HPSE2: variants seen among roughly 807,000 people sequenced by gnomAD.
HPSE2 encodes the protein heparanase 2 (inactive), also known as inactive heparanase-2.
Under a neutral mutation model 60.5 loss-of-function variants are expected in HPSE2, and 38 were observed. That is an observed-to-expected ratio of 0.63 (90% CI 0.48 to 0.82). The LOEUF is 0.82. Ranked by LOEUF, HPSE2 falls within the 40% of genes least tolerant of loss-of-function variation. The pLI, the probability that HPSE2 is intolerant of heterozygous loss-of-function variation, is 0.00. For missense variants in HPSE2, 713 were observed against 740.4 expected, an observed-to-expected ratio of 0.96 and a Z score of 0.43; for synonymous variants, 295 against 293.2, an observed-to-expected ratio of 1.01 and a Z score of -0.06.
chr10:99,011,642 G>C (rs1046264927), intron 3 of HPSE2, among the ~76,000 whole-genome samples: 1 of 150,702 alleles, frequency 6.6e-6, no homozygotes, highest in Admixed American at 6.7e-5. Flanking sequence ...GGTAGTCCCA[G>C]CTACTCGGGA....
At chr10:98,609,839 C>CT (rs34422929) in intron 9 of HPSE2, among the ~76,000 whole-genome samples, 8,765 of 126,212 alleles carry the variant, frequency 0.069, 517 homozygotes, top group Middle Eastern at 0.14. Flanking sequence ...TCTTCTTCTT[C>CT]TTTTTTTTTT....
chr10:99,288,748 C>CAAAAAAAAAA, the HPSE2 span, among the ~76,000 whole-genome samples: 4 of 75,788 alleles, frequency 5.3e-5, no homozygotes, highest in African/African-American at 1.8e-4. Flanking sequence ...CAGCCTCAAG[C>CAAAAAAAAAA]AAAAAAAAAA....
At chr10:98,696,033 A>G (rs1948203376) in intron 5 of HPSE2, among the ~76,000 whole-genome samples, 1 of 152,200 alleles carries the variant, frequency 6.6e-6, no homozygotes, top group Admixed American at 6.5e-5. Context: ...AAGATCTGAT[A>G]ATAATCTTAG....
intron 3 of HPSE2, among the ~76,000 whole-genome samples, chr10:99,095,906 T>C (rs934609706): frequency 6.6e-6 from 1 of 152,236 alleles, no homozygotes; most frequent in Non-Finnish European, 1.5e-5. Context: ...TTCTTCTGAA[T>C]TGCATTTTAA....
chr10:99,048,115 TG>T, intron 3 of HPSE2: 1 of 950,048 alleles, frequency 1.1e-6, no homozygotes, highest in Admixed American at 1.9e-5. Flanking sequence ...AGCGTGCTTA[TG>T]GCAAAATCAA....
At chr10:98,908,575 T>C (rs939523682) in intron 3 of HPSE2, among the ~76,000 whole-genome samples, 2 of 149,314 alleles carry the variant, frequency 1.3e-5, no homozygotes, top group Non-Finnish European at 3.0e-5. Context: ...CCCAGCTACT[T>C]GGGAGGCTGA....
chr10:98,949,339 G>T (rs1197535782), intron 3 of HPSE2, among the ~76,000 whole-genome samples: 1 of 151,940 alleles, frequency 6.6e-6, no homozygotes, highest in Admixed American at 6.6e-5. Flanking sequence ...CCCCACAATG[G>T]ATGTAACCCA....
intron 7 of HPSE2, among the ~76,000 whole-genome samples, chr10:98,625,801 A>C (rs2133997509): frequency 6.6e-6 from 1 of 152,260 alleles, no homozygotes; most frequent in East Asian, 1.9e-4. Flanking sequence ...ATCTATATAC[A>C]CATTTAAAAC....
At chr10:98,908,573 C>A (rs1953888603) in intron 3 of HPSE2, among the ~76,000 whole-genome samples, 1 of 150,504 alleles carries the variant, frequency 6.6e-6, no homozygotes, top group African/African-American at 2.4e-5. Flanking sequence ...ATCCCAGCTA[C>A]TTGGGAGGCT....
intron 3 of HPSE2, among the ~76,000 whole-genome samples, chr10:99,087,857 T>C (rs1486250765): frequency 2.0e-5 from 3 of 152,018 alleles, no homozygotes; most frequent in Non-Finnish European, 4.4e-5. Context: ...ATCTGAAGAG[T>C]TGAAATTATG....
the HPSE2 span, among the ~76,000 whole-genome samples, chr10:99,258,058 T>G: frequency 6.6e-6 from 1 of 151,942 alleles, no homozygotes; most frequent in Non-Finnish European, 1.5e-5. Context: ...GGAGAATCAC[T>G]TGAACCCAGA....
chr10:98,740,713 G>C (rs1949476047), intron 4 of HPSE2, among the ~76,000 whole-genome samples: 1 of 152,084 alleles, frequency 6.6e-6, no homozygotes, highest in Non-Finnish European at 1.5e-5. Flanking sequence ...TTGTTAACAT[G>C]GTGTAGGTAT....
At chr10:98,494,552 G>A (rs1253682381) in intron 9 of HPSE2, among the ~76,000 whole-genome samples, 1 of 152,184 alleles carries the variant, frequency 6.6e-6, no homozygotes, top group Admixed American at 6.5e-5. Flanking sequence ...CTTTATTATG[G>A]CTAGCAGATA....
chr10:99,173,819 A>G (rs1847413691), intron 2 of HPSE2, among the ~76,000 whole-genome samples: 1 of 151,788 alleles, frequency 6.6e-6, no homozygotes, highest in South Asian at 2.1e-4. Context: ...GGCACACACC[A>G]GTGGTCCCAG....
intron 5 of HPSE2, among the ~76,000 whole-genome samples, chr10:98,705,756 G>A (rs566537358): frequency 1.3e-5 from 2 of 152,166 alleles, no homozygotes; most frequent in African/African-American, 2.4e-5. Context: ...GTCCAGTCGC[G>A]GGGTGGGGGA....
Position 99,015,656 on chromosome 10 carries a change from C to T in HPSE2, c.610+128582G>A, listed in dbSNP as rs553411352. On this transcript the variant is annotated intron_variant, in intron 3 of 11. Transcript: ENST00000370552. ...ACACAGGAAGGGGAACATCAAACAC[C>T]GGGGCCTGTTGTGGGGTGGGGGGAG... 2.6e-3 allele frequency among the ~76,000 whole-genome samples: 370 copies of T among 144,938 alleles called. 2 individuals are homozygous for T. Among genetic ancestry groups the T allele is most frequent in the African/African-American group, 9.1e-3 (356 of 38,924 alleles).
At chr10:99,102,246 A>C (rs987787165) in intron 3 of HPSE2, among the ~76,000 whole-genome samples, 2 of 152,166 alleles carry the variant, frequency 1.3e-5, no homozygotes, top group African/African-American at 4.8e-5. Flanking sequence ...AAGACTAATA[A>C]AGAAGAAAAG....
At chr10:99,095,314 A>C (rs2135615745) in intron 3 of HPSE2, among the ~76,000 whole-genome samples, 1 of 152,318 alleles carries the variant, frequency 6.6e-6, no homozygotes, top group African/African-American at 2.4e-5. Flanking sequence ...ATCTCATTTA[A>C]TGCTTTTTAG....
intron 3 of HPSE2, among the ~76,000 whole-genome samples, chr10:98,751,557 C>T (rs1209602343): frequency 6.6e-6 from 1 of 152,102 alleles, no homozygotes; most frequent in African/African-American, 2.4e-5. Context: ...GATCCAGACC[C>T]TTAGCTCTTG....
Sources: gnomAD v4.1 joint callset for allele counts (sites outside exome capture counted in the v4.1 genomes callset) on GRCh38, gnomAD v4.1.1 for gene constraint, MANE v1.5 for transcripts, NCBI Gene and HGNC (gene_info 2026-07-23, HGNC 2026-07-21) for gene names.